Variants in CHCHD3 observed in about 807,000 individuals in gnomAD.
CHCHD3 encodes coiled-coil-helix-coiled-coil-helix domain containing 3.
Under a neutral mutation model 38.2 loss-of-function variants are expected in CHCHD3, and 20 were observed. The ratio of observed to expected loss-of-function variants is 0.52; its 90% CI spans 0.37 to 0.76. The LOEUF is 0.76. Among genes scored for constraint, CHCHD3 ranks in the 30% least tolerant of loss-of-function variants. CHCHD3 has a pLI of 0.00. For synonymous variants in CHCHD3, 82 were observed against 100.0 expected, an observed-to-expected ratio of 0.82 and a Z score of 1.07; for missense variants, 245 against 279.2, an observed-to-expected ratio of 0.88 and a Z score of 0.87.
chr7:132,932,979 G>A (rs564875516), intron 4 of CHCHD3, among the ~76,000 whole-genome samples: 1 of 152,238 alleles, frequency 6.6e-6, no homozygotes, highest in South Asian at 2.1e-4. Context: ...AAAGAAAATG[G>A]CAAAAAGCAA....
At chr7:132,971,625 G>A (rs1009941312) in intron 4 of CHCHD3, among the ~76,000 whole-genome samples, 10 of 151,780 alleles carry the variant, frequency 6.6e-5, no homozygotes, top group Non-Finnish European at 1.5e-4. Context: ...AGAAAGATGT[G>A]GGGGGTGTGG....
intron 4 of CHCHD3, chr7:132,886,992 C>T (rs1207324022): frequency 7.8e-6 from 10 of 1,289,570 alleles, no homozygotes; most frequent in South Asian, 2.7e-5. Flanking sequence ...CAATATCCTG[C>T]AGCATGTTAA....
chr7:132,901,439 G>A (rs886475494), intron 4 of CHCHD3, among the ~76,000 whole-genome samples: 1 of 152,164 alleles, frequency 6.6e-6, no homozygotes, highest in Non-Finnish European at 1.5e-5. Context: ...GCCATCATCT[G>A]CCCATTAAAG....
At chr7:132,981,090 A>G (rs1811905666) in intron 3 of CHCHD3, among the ~76,000 whole-genome samples, 1 of 151,878 alleles carries the variant, frequency 6.6e-6, no homozygotes, top group African/African-American at 2.4e-5. Flanking sequence ...GGCTCAAGCA[A>G]TCCTCTTGCC....
intron 5 of CHCHD3, among the ~76,000 whole-genome samples, chr7:132,879,715 G>GAAAAAAA (rs1809001966): frequency 3.8e-4 from 1 of 2,652 alleles, no homozygotes; most frequent in Non-Finnish European, 7.1e-4. Context: ...TTTGTCAAAA[G>GAAAAAAA]TAAAAAAAAA....
chr7:132,900,668 T>A (rs1204844806), intron 4 of CHCHD3, among the ~76,000 whole-genome samples: 2 of 152,150 alleles, frequency 1.3e-5, no homozygotes, highest in Non-Finnish European at 2.9e-5. Context: ...TAAAACTAAA[T>A]CCTTAAGATG....
chr7:132,948,153 A>G (rs1231255456), intron 4 of CHCHD3, among the ~76,000 whole-genome samples: 1 of 152,092 alleles, frequency 6.6e-6, no homozygotes, highest in Non-Finnish European at 1.5e-5. Context: ...TTTGCCTTCC[A>G]AAAACTCAAG....
intron 5 of CHCHD3, among the ~76,000 whole-genome samples, chr7:132,878,717 T>C (rs1472521528): frequency 6.6e-6 from 1 of 152,214 alleles, no homozygotes; most frequent in Non-Finnish European, 1.5e-5. Flanking sequence ...GCATTTATGA[T>C]TCACCAGATA....
At chr7:132,879,110 C>T (rs1432028254) in intron 5 of CHCHD3, among the ~76,000 whole-genome samples, 2 of 152,124 alleles carry the variant, frequency 1.3e-5, no homozygotes, top group African/African-American at 4.8e-5. Flanking sequence ...GACAAGGAGG[C>T]ATCTATTTGA....
chr7:132,875,437 C>T (rs1489305107), intron 5 of CHCHD3, among the ~76,000 whole-genome samples: 1 of 152,176 alleles, frequency 6.6e-6, no homozygotes, highest in Non-Finnish European at 1.5e-5. Context: ...TCAGAAAGAA[C>T]TACTTGAGGC....
At chr7:132,820,596 G>T (rs1289269227) in intron 6 of CHCHD3, among the ~76,000 whole-genome samples, 1 of 150,136 alleles carries the variant, frequency 6.7e-6, no homozygotes, top group Non-Finnish European at 1.5e-5. Context: ...CACAAACATG[G>T]GAAAATGTGC....
chr7:133,035,307 C>T lies in CHCHD3; in HGVS notation c.170-10680G>A, dbSNP rs1813639150. 6.2e-7 allele frequency: 1 copy of T among 1,611,816 alleles called. No individual in the cohort carries two copies. ...CATCTTCTCACACAGTTTCAGTTCC[C>T]CCAAGACAGCCCGGAACTGGGGCTG... On this transcript the variant is annotated intron_variant, in intron 2 of 7. Coordinates refer to ENST00000262570, the MANE Select transcript of CHCHD3 (RefSeq NM_017812.4). This position sits in a 1 kb window ranked among gnomAD's most constrained non-coding sequence, Gnocchi z 4.7.
intron 5 of CHCHD3, among the ~76,000 whole-genome samples, chr7:132,864,171 T>C (rs1808557533): frequency 1.3e-5 from 2 of 152,230 alleles, no homozygotes; most frequent in African/African-American, 4.8e-5. Flanking sequence ...TTCTAGCTTT[T>C]GATTTAAAGA....
At chr7:132,912,105 T>C (rs1562905435) in intron 4 of CHCHD3, among the ~76,000 whole-genome samples, 1 of 152,214 alleles carries the variant, frequency 6.6e-6, no homozygotes, top group South Asian at 2.1e-4. Context: ...TAATATGTAA[T>C]GTATCACCTT....
intron 4 of CHCHD3, among the ~76,000 whole-genome samples, chr7:132,963,663 CT>C (rs1274285122): frequency 2.3e-4 from 34 of 148,518 alleles, no homozygotes; most frequent in African/African-American, 8.0e-4. Context: ...CCTAGTGTCT[CT>C]ACCTTTACCC....
chr7:132,809,253 C>T (rs113828949), intron 6 of CHCHD3, among the ~76,000 whole-genome samples: 6 of 152,120 alleles, frequency 3.9e-5, no homozygotes, highest in Non-Finnish European at 5.9e-5. Flanking sequence ...GCCACAGCAC[C>T]GGCTAATTCT....
intron 1 of CHCHD3, among the ~76,000 whole-genome samples, chr7:133,076,776 A>T (rs1010098757): frequency 6.6e-6 from 1 of 152,206 alleles, no homozygotes; most frequent in Admixed American, 6.5e-5. Context: ...GTAACAGAGT[A>T]AAAAAAGAGG....
chr7:132,862,121 G>GAAGGAGGGAAGAAAGA (rs917331041), intron 5 of CHCHD3, among the ~76,000 whole-genome samples: 4 of 151,756 alleles, frequency 2.6e-5, no homozygotes, highest in Non-Finnish European at 5.9e-5. Context: ...ATGAAGGAAG[G>GAAGGAGGGAAGAAAGA]AAGGAGGGAA....
intron 5 of CHCHD3, among the ~76,000 whole-genome samples, chr7:132,856,586 T>C (rs746241936): frequency 1.4e-4 from 22 of 152,298 alleles, no homozygotes; most frequent in Non-Finnish European, 2.8e-4. Flanking sequence ...GTCGCCTTAT[T>C]GCTCAGTGTG....
Sources: gnomAD v4.1 joint callset for allele counts (sites outside exome capture counted in the v4.1 genomes callset) on GRCh38, gnomAD v4.1.1 for gene constraint, Gnocchi (gnomAD v3.1) non-coding constraint, MANE v1.5 for transcripts, NCBI Gene and HGNC (gene_info 2026-07-23, HGNC 2026-07-21) for gene names.